The following KHDRBS3 variants were observed in gnomAD, a reference collection of about 807,000 sequenced individuals.
The protein encoded by KHDRBS3 is KH domain-containing, RNA-binding, signal transduction-associated protein 3.
Under a neutral mutation model 45.6 loss-of-function variants are expected in KHDRBS3, and 23 were observed. That is an observed-to-expected ratio of 0.50 (90% CI 0.36 to 0.72). The LOEUF (loss-of-function observed/expected upper bound fraction) is 0.72, where lower values mean the gene tolerates loss of function less well. Among genes scored for constraint, KHDRBS3 ranks in the 30% least tolerant of loss-of-function variants. The pLI is 0.00. For missense variants in KHDRBS3, 352 were observed against 424.8 expected (o/e 0.83, Z 1.51); for synonymous variants, 162 against 156.5 (o/e 1.04, Z -0.26).
intron 2 of KHDRBS3, among the ~76,000 whole-genome samples, chr8:135,537,222 G>A (rs1022230626): frequency 6.6e-6 from 1 of 152,128 alleles, no homozygotes; most frequent in Non-Finnish European, 1.5e-5. Context: ...TGAAGCTATG[G>A]TGGCGGAGTT....
In KHDRBS3 at chr8:135,477,926, CT is replaced by C. The variant is rs1231006735; in HGVS notation, c.88+19973del. Reference sequence around the variant, plus strand: ...TCCATGGCTTGTAAGGAACCGGGTGCTCAGCAGGAGGTGAGTGGCTGGTGAG... The same window carrying C: ...TCCATGGCTTGTAAGGAACCGGGTGCCAGCAGGAGGTGAGTGGCTGGTGAG... On this transcript the variant is annotated intron_variant, in intron 1 of 8. Transcript: ENST00000355849. 2.6e-5 allele frequency among the ~76,000 whole-genome samples: 4 copies of C among 152,276 alleles called. No homozygotes were observed. The South Asian group carries it at 6.2e-4, about 24-fold the overall frequency.
At chr8:135,518,466 G>A (rs770317566) in intron 1 of KHDRBS3, among the ~76,000 whole-genome samples, 5 of 152,022 alleles carry the variant, frequency 3.3e-5, no homozygotes, top group East Asian at 1.9e-4. Flanking sequence ...GAGCCACCAC[G>A]CCCGGCCTAA....
intron 7 of KHDRBS3, among the ~76,000 whole-genome samples, chr8:135,617,723 G>T (rs1829977646): frequency 6.6e-6 from 1 of 152,172 alleles, no homozygotes; most frequent in Non-Finnish European, 1.5e-5. Context: ...ACCTCTCTAT[G>T]TAACTGTTGT....
chr8:135,651,769 T>C (rs1042955487), downstream of KHDRBS3, among the ~76,000 whole-genome samples: 7 of 152,212 alleles, frequency 4.6e-5, no homozygotes, highest in African/African-American at 1.7e-4. Context: ...CACATAGTTA[T>C]TTGACAGTGT....
chr8:135,517,773 G>A (rs1824689126), intron 1 of KHDRBS3, among the ~76,000 whole-genome samples: 1 of 152,022 alleles, frequency 6.6e-6, no homozygotes, highest in African/African-American at 2.4e-5. Flanking sequence ...CTTTAGGCTT[G>A]TTAAATGCAA....
Position 135,513,712 on chromosome 8 carries a change from G to A in KHDRBS3, c.89-7525G>A, listed in dbSNP as rs186781726. On this transcript the variant is annotated intron_variant, in intron 1 of 8. Transcript: ENST00000355849. ...ATTATTTTTATCTCTTCAATTTTGG[G>A]GGCCAGAGTACCAATTTTTACCTTA... Among the ~76,000 whole-genome samples the A allele has an allele frequency of 5.9e-5, 9 of 152,120 alleles. No homozygotes were observed. The East Asian group carries it at 1.7e-3, about 29-fold the overall frequency.
intron 5 of KHDRBS3, among the ~76,000 whole-genome samples, chr8:135,564,085 A>G (rs1827289323): frequency 6.6e-6 from 1 of 152,186 alleles, no homozygotes; most frequent in Non-Finnish European, 1.5e-5. Flanking sequence ...ATTTTCAGCT[A>G]CTGTTTCTTC....
intron 1 of KHDRBS3, among the ~76,000 whole-genome samples, chr8:135,507,541 A>ATT (rs559623000): frequency 1.3e-5 from 2 of 149,454 alleles, no homozygotes; most frequent in African/African-American, 2.4e-5. Flanking sequence ...TGGTGTACTT[A>ATT]TTTTTTTTTT....
intron 6 of KHDRBS3, among the ~76,000 whole-genome samples, chr8:135,589,863 T>C (rs1309787160): frequency 5.3e-5 from 8 of 152,258 alleles, no homozygotes; most frequent in African/African-American, 1.9e-4. Flanking sequence ...GTGTTATGTA[T>C]ACTTTTCAGC....
intron 4 of KHDRBS3, among the ~76,000 whole-genome samples, chr8:135,654,288 G>A (rs1474956102): frequency 6.6e-6 from 1 of 152,054 alleles, no homozygotes; most frequent in Non-Finnish European, 1.5e-5. Context: ...CACATTAAAG[G>A]CAATGCAAGA....
chr8:135,613,304 A>G (rs1190796347), intron 7 of KHDRBS3, among the ~76,000 whole-genome samples: 1 of 151,856 alleles, frequency 6.6e-6, no homozygotes, highest in Non-Finnish European at 1.5e-5. Flanking sequence ...CGCCAACTTT[A>G]ACATTTACTG....
At chr8:135,634,124 G>A (rs1586838076) in intron 7 of KHDRBS3, among the ~76,000 whole-genome samples, 2 of 152,154 alleles carry the variant, frequency 1.3e-5, no homozygotes, top group East Asian at 1.9e-4. Context: ...GGATTCTGTT[G>A]TAAACTGGGA....
chr8:135,607,266 T>G (rs1216246167), intron 7 of KHDRBS3, among the ~76,000 whole-genome samples: 1 of 152,186 alleles, frequency 6.6e-6, no homozygotes, highest in Non-Finnish European at 1.5e-5. Context: ...GAAATTTTAG[T>G]CTAAAAATTC....
intron 5 of KHDRBS3, among the ~76,000 whole-genome samples, chr8:135,559,980 C>T (rs1407667459): frequency 6.6e-6 from 1 of 152,030 alleles, no homozygotes; most frequent in Non-Finnish European, 1.5e-5. Flanking sequence ...CTTTGGGAGG[C>T]CAAGGCAAGA....
Position 135,617,632 on chromosome 8 carries a change from C to T in KHDRBS3, c.890+10595C>T, listed in dbSNP as rs1008311761. Among the ~76,000 whole-genome samples the T allele has an allele frequency of 4.9e-4, 74 of 152,120 alleles. 1 individual carries two copies. Among genetic ancestry groups the T allele is most frequent in the Admixed American group, 5.2e-4 (8 of 15,268 alleles). ...GATGAGGAAATTGTGGCACAGAGAC[C>T]GTGGAACTTCCCTGAACTCATGGAG... On this transcript the variant is annotated intron_variant, in intron 7 of 8. Coordinates refer to ENST00000355849, the MANE Select transcript of KHDRBS3 (RefSeq NM_006558.3).
At chr8:135,474,759 G>A (rs938418136) in intron 1 of KHDRBS3, among the ~76,000 whole-genome samples, 8 of 152,228 alleles carry the variant, frequency 5.3e-5, no homozygotes, top group Non-Finnish European at 8.8e-5. Context: ...AAGTGAGAGT[G>A]TATTGGTTTT....
chr8:135,557,632 T>C, intron 5 of KHDRBS3, 45 bp downstream of exon 5: 1 of 1,483,064 alleles, frequency 6.7e-7, no homozygotes, highest in Non-Finnish European at 9.3e-7. Context: ...TGGCAGCAGT[T>C]TTAATATTTC....
chr8:135,516,147 A>G (rs1824587397), intron 1 of KHDRBS3, among the ~76,000 whole-genome samples: 1 of 152,250 alleles, frequency 6.6e-6, no homozygotes, highest in Non-Finnish European at 1.5e-5. Context: ...ACACAATGGT[A>G]AGTATTTTGT....
chr8:135,630,403 T>A (rs984016470), intron 7 of KHDRBS3, among the ~76,000 whole-genome samples: 2 of 152,224 alleles, frequency 1.3e-5, no homozygotes, highest in Non-Finnish European at 2.9e-5. Flanking sequence ...TTAAATAAGT[T>A]TCTTAATTTA....
Sources: allele counts gnomAD v4.1 joint callset (sites outside exome capture counted in the v4.1 genomes callset), GRCh38; gene constraint gnomAD v4.1.1; transcripts MANE v1.5; gene names NCBI Gene and HGNC (gene_info 2026-07-23, HGNC 2026-07-21).